BTC: variants seen among roughly 807,000 people sequenced by gnomAD.
BTC encodes the protein betacellulin.
In BTC, 13 loss-of-function variants were observed where a neutral mutation model predicts 18.1. That is an observed-to-expected ratio of 0.72 (90% CI 0.47 to 1.14). The LOEUF (loss-of-function observed/expected upper bound fraction) is 1.14. Ranked by LOEUF, BTC falls within the 50% of genes most tolerant of loss-of-function variation. The pLI, the probability that BTC is intolerant of heterozygous loss-of-function variation, is 0.00. For synonymous variants in BTC, 83 were observed against 79.4 expected, an observed-to-expected ratio of 1.05 and a Z score of -0.24; for missense variants, 247 against 224.2, an observed-to-expected ratio of 1.10 and a Z score of -0.65.
intron 4 of BTC, among the ~76,000 whole-genome samples, chr4:74,749,678 A>ATTTTTT (rs1560708204): frequency 4.4e-5 from 4 of 90,592 alleles, no homozygotes; most frequent in African/African-American, 8.7e-5. Flanking sequence ...TTAATAAGAT[A>ATTTTTT]GTTTTTTTTG....
At chr4:74,750,813 G>C in intron 3 of BTC, 94 bp from the exon 4 acceptor site, 3 of 1,456,544 alleles carry the variant, frequency 2.1e-6, no homozygotes, top group Non-Finnish European at 2.8e-6. Context: ...CTCATTACTT[G>C]AAATTAATAA....
chr4:74,762,696 A>G (rs782071488), intron 2 of BTC, among the ~76,000 whole-genome samples: 18 of 152,188 alleles, frequency 1.2e-4, no homozygotes, highest in Non-Finnish European at 1.9e-4. Flanking sequence ...TGACCATCAT[A>G]TAAGAGTAGA....
At chr4:74,782,526 G>A (rs1258611519) in intron 1 of BTC, among the ~76,000 whole-genome samples, 5 of 152,040 alleles carry the variant, frequency 3.3e-5, no homozygotes, top group East Asian at 1.9e-4. Flanking sequence ...GGCTGATTCC[G>A]TATATTTGCT....
intron 1 of BTC, among the ~76,000 whole-genome samples, chr4:74,791,970 C>T (rs1053619830): frequency 1.1e-4 from 2 of 18,126 alleles, no homozygotes; most frequent in African/African-American, 1.3e-4. Context: ...TCCACCATCT[C>T]ACACACACAC....
At chr4:74,754,508 G>A (rs1485475940) in intron 3 of BTC, among the ~76,000 whole-genome samples, 1 of 152,060 alleles carries the variant, frequency 6.6e-6, no homozygotes, top group African/African-American at 2.4e-5. Context: ...TCAGTGAAGG[G>A]GTCCACAAGG....
intron 1 of BTC, among the ~76,000 whole-genome samples, chr4:74,787,278 C>T (rs374335513): frequency 6.6e-6 from 1 of 152,062 alleles, no homozygotes; most frequent in African/African-American, 2.4e-5. Flanking sequence ...TACCTCTAGT[C>T]TATGAGTCAG....
intron 5 of BTC, 72 bp downstream of exon 5, chr4:74,747,968 T>C (rs1490284580): frequency 2.9e-6 from 2 of 686,590 alleles, no homozygotes; most frequent in Non-Finnish European, 4.8e-6. Flanking sequence ...ATTTAGTAGA[T>C]GCAAGTAAGC....
intron 1 of BTC, among the ~76,000 whole-genome samples, chr4:74,789,237 C>A (rs1453794289): frequency 6.6e-6 from 1 of 152,170 alleles, no homozygotes; most frequent in Non-Finnish European, 1.5e-5. Flanking sequence ...TGGGCAAATT[C>A]CTGCCCTATT....
chr4:74,769,387 A>G (rs982640946), intron 2 of BTC, among the ~76,000 whole-genome samples: 1 of 152,184 alleles, frequency 6.6e-6, no homozygotes, highest in Non-Finnish European at 1.5e-5. Context: ...TTCTCTAACT[A>G]AAGTTTTACT....
chr4:74,758,019 A>G (rs4540121), intron 2 of BTC, among the ~76,000 whole-genome samples: 94,778 of 152,054 alleles, frequency 0.62, 29,627 homozygotes, highest in East Asian at 0.66. Context: ...CAGCAATCTC[A>G]TATAAGTATG....
chr4:74,750,473 AG>A, intron 4 of BTC, 99 bp downstream of exon 4: 1 of 1,287,874 alleles, frequency 7.8e-7, no homozygotes, highest in Non-Finnish European at 1.1e-6. Context: ...TTTGAATCAA[AG>A]AAAAAGCAAA....
At chr4:74,759,860 G>A (rs927590563) in intron 2 of BTC, among the ~76,000 whole-genome samples, 1 of 152,214 alleles carries the variant, frequency 6.6e-6, no homozygotes, top group South Asian at 2.1e-4. Context: ...CAAAGTGGAG[G>A]AATATGGCAG....
At chr4:74,775,469 T>C (rs1182970850) in intron 1 of BTC, among the ~76,000 whole-genome samples, 1 of 152,198 alleles carries the variant, frequency 6.6e-6, no homozygotes, top group Non-Finnish European at 1.5e-5. Flanking sequence ...TCATAGGTTA[T>C]GTTAAAATTT....
intron 2 of BTC, 141 bp from the exon 3 acceptor site, chr4:74,756,117 A>G: frequency 2.5e-6 from 2 of 789,106 alleles, no homozygotes; most frequent in Non-Finnish European, 4.3e-6. Context: ...CACTGGGATA[A>G]AAGTCAGACT....
At chr4:74,775,495 T>A (rs1725152537) in intron 1 of BTC, among the ~76,000 whole-genome samples, 1 of 152,040 alleles carries the variant, frequency 6.6e-6, no homozygotes, top group African/African-American at 2.4e-5. Context: ...TAGTAAAAAC[T>A]AAAAGTATTA....
intron 3 of BTC, among the ~76,000 whole-genome samples, chr4:74,755,436 C>A (rs1724572013): frequency 6.6e-6 from 1 of 152,334 alleles, no homozygotes; most frequent in East Asian, 1.9e-4. Flanking sequence ...ATAAATAGGA[C>A]TAATTCCTTC....
chr4:74,786,231 T>C (rs1725474686), intron 1 of BTC, among the ~76,000 whole-genome samples: 1 of 152,168 alleles, frequency 6.6e-6, no homozygotes, highest in South Asian at 2.1e-4. Flanking sequence ...TTAATTCAGC[T>C]CTGATGACAA....
At chr4:74,762,520 G>A (rs1352720186) in intron 2 of BTC, among the ~76,000 whole-genome samples, 1 of 152,024 alleles carries the variant, frequency 6.6e-6, no homozygotes, top group African/African-American at 2.4e-5. Flanking sequence ...ACTTGTTGAT[G>A]ATGATGCTAT....
intron 3 of BTC, among the ~76,000 whole-genome samples, chr4:74,751,362 G>A (rs62316311): frequency 0.25 from 37,334 of 151,604 alleles, 4,764 homozygotes; most frequent in Middle Eastern, 0.28. Flanking sequence ...TCTTCTGTTC[G>A]CCGCCTCCTT....
Sources: allele counts gnomAD v4.1 joint callset (sites outside exome capture counted in the v4.1 genomes callset), GRCh38; gene constraint gnomAD v4.1.1; transcripts MANE v1.5; gene names NCBI Gene and HGNC (gene_info 2026-07-23, HGNC 2026-07-21).